ITPR1: variants seen among roughly 807,000 people sequenced by gnomAD.
ITPR1 encodes inositol 1,4,5-trisphosphate receptor type 1, also known as inositol 1,4,5-trisphosphate-gated calcium channel ITPR1.
A neutral mutation model predicts 318.4 loss-of-function variants in ITPR1; 96 were observed. The observed-to-expected ratio is 0.30, with a 90% CI of 0.26 to 0.36. The LOEUF (loss-of-function observed/expected upper bound fraction) is 0.36, where lower values mean the gene tolerates loss of function less well. ITPR1 is among the 10% of genes least tolerant of loss of function. The probability of loss-of-function intolerance (pLI) is 1.00; values close to 1 mark genes in which losing one functional copy is unlikely to be tolerated. For missense variants in ITPR1, 2,440 were observed against 3,460.2 expected, an observed-to-expected ratio of 0.71 and a Z score of 7.40; for synonymous variants, 1,312 against 1,289.9, an observed-to-expected ratio of 1.02 and a Z score of -0.37.
chr3:4,619,700 G>C (rs1349542052), intron 4 of ITPR1, among the ~76,000 whole-genome samples: 1,206 of 3,616 alleles, frequency 0.33, 504 homozygotes, highest in Admixed American at 0.43. Context: ...GCTCTCCCCT[G>C]CTCTCCTCTG....
At chr3:4,615,170 T>A (rs1462209656) in intron 4 of ITPR1, among the ~76,000 whole-genome samples, 2 of 152,172 alleles carry the variant, frequency 1.3e-5, no homozygotes, top group East Asian at 3.9e-4. Context: ...ACATTGCTCC[T>A]GGACCTCTGA....
chr3:4,766,380 T>C (rs2045819813), intron 44 of ITPR1, 150 bp from the exon 45 acceptor site: 1 of 583,322 alleles, frequency 1.7e-6, no homozygotes, highest in Non-Finnish European at 3.0e-6. Flanking sequence ...AGAACTACAG[T>C]GTGTGGAGTG....
intron 4 of ITPR1, among the ~76,000 whole-genome samples, chr3:4,586,661 C>A (rs1231237975): frequency 1.3e-5 from 2 of 151,866 alleles, no homozygotes; most frequent in East Asian, 3.9e-4. Flanking sequence ...AGGCACTGTC[C>A]CCATGCCCAG....
intron 30 of ITPR1, among the ~76,000 whole-genome samples, chr3:4,687,862 G>A (rs933941720): frequency 7.9e-5 from 12 of 152,074 alleles, no homozygotes; most frequent in African/African-American, 2.7e-4. Context: ...GAGGAGTTAC[G>A]GCAGGCACAG....
chr3:4,738,384 A>G (rs1038348875), intron 44 of ITPR1, among the ~76,000 whole-genome samples: 1 of 152,178 alleles, frequency 6.6e-6, no homozygotes, highest in African/African-American at 2.4e-5. Flanking sequence ...GATGTCACAA[A>G]CAGAGACCCT....
chr3:4,830,836 C>G (rs2050429101), intron 60 of ITPR1: 1 of 435,436 alleles, frequency 2.3e-6, no homozygotes, highest in African/African-American at 2.0e-5. Context: ...CCCCATGACC[C>G]TTTCTTTTGC....
In ITPR1 at chr3:4,667,388, C is replaced by T. The variant is rs543664499; in HGVS notation, c.1725C>T (p.Ala575=). Reference sequence around the variant, plus strand: ...CTCTCCTTATAAAGGAGTATATAGCCAAGCAGTTTGGCTTCATGCAGAAGC... The same window carrying T: ...CTCTCCTTATAAAGGAGTATATAGCTAAGCAGTTTGGCTTCATGCAGAAGC... ...QDYRKNQEYI[A]KQFGFMQKQI... is the part of the protein sequence containing the mutation. The change falls in exon 18 of 62, where the codon GCC becomes GCT. Residue 575 remains alanine, a synonymous_variant. Transcript: ENST00000649015. The T allele has an allele frequency of 2.5e-6, 4 of 1,608,196 alleles. No individual in the cohort carries two copies. The highest frequency in any genetic ancestry group is 2.2e-5 in the East Asian group (1 of 44,772).
chr3:4,581,163 C>T (rs1024536011), intron 4 of ITPR1, among the ~76,000 whole-genome samples: 7 of 152,144 alleles, frequency 4.6e-5, no homozygotes, highest in African/African-American at 7.2e-5. Flanking sequence ...AAATCCACCC[C>T]GACAGCCCAG....
chr3:4,626,504 G>T (rs1213153253), intron 4 of ITPR1, among the ~76,000 whole-genome samples: 1 of 152,028 alleles, frequency 6.6e-6, no homozygotes, highest in Non-Finnish European at 1.5e-5. Context: ...CTAAGGGAAG[G>T]GTTGGTTCTG....
chr3:4,511,813 G>T (rs187770947), intron 2 of ITPR1, among the ~76,000 whole-genome samples: 1 of 152,156 alleles, frequency 6.6e-6, no homozygotes, highest in African/African-American at 2.4e-5. Flanking sequence ...GTCATTCTGC[G>T]TCAGGAATTG....
chr3:4,567,712 C>T (rs575501935), intron 4 of ITPR1, among the ~76,000 whole-genome samples: 1 of 152,204 alleles, frequency 6.6e-6, no homozygotes, highest in Admixed American at 6.5e-5. Flanking sequence ...AGTGATCCTC[C>T]CACCTCAGCC....
At chr3:4,748,075 G>T (rs1334147242) in intron 44 of ITPR1, among the ~76,000 whole-genome samples, 1 of 152,186 alleles carries the variant, frequency 6.6e-6, no homozygotes, top group African/African-American at 2.4e-5. Context: ...GGAGCCAGTA[G>T]GTACTCTATC....
At chr3:4,746,937 G>A (rs1484275253) in intron 44 of ITPR1, among the ~76,000 whole-genome samples, 1 of 152,206 alleles carries the variant, frequency 6.6e-6, no homozygotes, top group Non-Finnish European at 1.5e-5. Flanking sequence ...GACTGTAAAT[G>A]TAGAGATAGA....
chr3:4,824,140 C>T (rs2049913161), intron 60 of ITPR1, among the ~76,000 whole-genome samples: 1 of 152,140 alleles, frequency 6.6e-6, no homozygotes, highest in Non-Finnish European at 1.5e-5. Context: ...AGAACCTGCC[C>T]CCCCATGGTA....
At chr3:4,787,578 A>C (rs1246410014) in intron 51 of ITPR1, among the ~76,000 whole-genome samples, 1 of 149,748 alleles carries the variant, frequency 6.7e-6, no homozygotes, top group African/African-American at 2.5e-5. Context: ...CGTGCCTGTA[A>C]TCCCAGCTAC....
intron 4 of ITPR1, among the ~76,000 whole-genome samples, chr3:4,577,248 T>C (rs939809832): frequency 6.6e-6 from 1 of 152,212 alleles, no homozygotes; most frequent in Non-Finnish European, 1.5e-5. Flanking sequence ...TTTGAATGGC[T>C]TTCTAGTTGG....
At chr3:4,812,940 C>A (rs866031552) in intron 56 of ITPR1, 1 of 589,918 alleles carries the variant, frequency 1.7e-6, no homozygotes, top group Non-Finnish European at 3.0e-6. Flanking sequence ...AGTAAGCCTA[C>A]AGGAATTGAC....
chr3:4,611,606 G>T (rs2092126754), intron 4 of ITPR1, among the ~76,000 whole-genome samples: 1 of 112,318 alleles, frequency 8.9e-6, no homozygotes, highest in Non-Finnish European at 1.8e-5. Flanking sequence ...ATTAGCAGGT[G>T]TCGTGGCATG....
intron 52 of ITPR1, among the ~76,000 whole-genome samples, chr3:4,792,591 C>T (rs1283060826): frequency 6.6e-6 from 1 of 152,110 alleles, no homozygotes; most frequent in Non-Finnish European, 1.5e-5. Flanking sequence ...ACGTGGCTGT[C>T]GGCAGGAGGC....
Sources: allele counts gnomAD v4.1 joint callset (sites outside exome capture counted in the v4.1 genomes callset), GRCh38; gene constraint gnomAD v4.1.1; transcripts MANE v1.5; gene names NCBI Gene and HGNC (gene_info 2026-07-23, HGNC 2026-07-21).